The following TAB2 variants were observed in gnomAD, a reference collection of about 807,000 sequenced individuals.
TAB2 encodes the protein TGF-beta activated kinase 1 (MAP3K7) binding protein 2.
Under a neutral mutation model 65.0 loss-of-function variants are expected in TAB2, and 3 were observed. That is an observed-to-expected ratio of 0.05 (90% CI 0.02 to 0.12). The LOEUF (loss-of-function observed/expected upper bound fraction) is 0.12. TAB2 is among the 10% of genes least tolerant of loss of function. The pLI, the probability that TAB2 is intolerant of heterozygous loss-of-function variation, is 1.00. For missense variants in TAB2, 623 were observed against 840.3 expected (o/e 0.74, Z 3.20); for synonymous variants, 298 against 285.1 (o/e 1.05, Z -0.46).
intron 1 of TAB2, among the ~76,000 whole-genome samples, chr6:149,256,648 G>A (rs139948391): frequency 1.4e-3 from 219 of 152,172 alleles, no homozygotes; most frequent in African/African-American, 4.9e-3. Flanking sequence ...AATTGATTAC[G>A]CTGGATAAAA....
At chr6:149,268,573 G>A (rs1339285146) in intron 1 of TAB2, among the ~76,000 whole-genome samples, 1 of 152,126 alleles carries the variant, frequency 6.6e-6, no homozygotes, top group Admixed American at 6.5e-5. Flanking sequence ...ATAAATTCTC[G>A]GAGCAATTGG....
intron 6 of TAB2, among the ~76,000 whole-genome samples, chr6:149,399,572 T>G (rs967390954): frequency 2.0e-5 from 3 of 151,514 alleles, no homozygotes; most frequent in East Asian, 4.1e-4. Flanking sequence ...TATATAACTT[T>G]AAGTAATCAA....
chr6:149,232,267 G>A (rs1450083962), intron 1 of TAB2, among the ~76,000 whole-genome samples: 2 of 151,804 alleles, frequency 1.3e-5, no homozygotes, highest in South Asian at 2.1e-4. Flanking sequence ...TCGCTCTGTC[G>A]CCCAAGCTGG....
chr6:149,302,579 C>T lies in TAB2; in HGVS notation c.-120-75439C>T, dbSNP rs6918971. ...CTGATAGAGTTACTATTGCAGTCTCCTTCATGGGAATTGTAGACTCTTCTG... is the reference window on the plus strand; with the variant it reads ...CTGATAGAGTTACTATTGCAGTCTCTTTCATGGGAATTGTAGACTCTTCTG... On this transcript the variant is annotated intron_variant, in intron 1 of 1. Coordinates refer to the TAB2 transcript ENST00000606202. 4.4e-3 allele frequency among the ~76,000 whole-genome samples: 670 copies of T among 152,304 alleles called. 9 individuals are homozygous for T. The highest frequency in any genetic ancestry group is 5.6e-3 in the Non-Finnish European group (382 of 68,012).
At chr6:149,377,910 G>A in intron 2 of TAB2, 108 bp from the exon 3 acceptor site, 1 of 839,866 alleles carries the variant, frequency 1.2e-6, no homozygotes, top group Non-Finnish European at 1.9e-6. Flanking sequence ...CCAAATATAT[G>A]TTATAATTGT....
intron 1 of TAB2, among the ~76,000 whole-genome samples, chr6:149,306,278 C>T (rs1339125238): frequency 6.6e-6 from 1 of 151,854 alleles, no homozygotes; most frequent in Non-Finnish European, 1.5e-5. Context: ...CGGTGGCTCA[C>T]GCCTGTAATC....
intron 1 of TAB2, chr6:149,257,477 C>T (rs1281223245): frequency 6.6e-6 from 1 of 152,066 alleles, no homozygotes; most frequent in Non-Finnish European, 1.5e-5. Context: ...TCTGCTTTTT[C>T]CCCACTGAGA....
chr6:149,346,428 G>A (rs1780301889), intron 1 of TAB2: 1 of 151,864 alleles, frequency 6.6e-6, no homozygotes, highest in Non-Finnish European at 1.5e-5. Context: ...ACTGCATGGG[G>A]ATCAGATCAG....
At chr6:149,385,458 T>C (rs139407123) in intron 3 of TAB2, among the ~76,000 whole-genome samples, 33 of 152,310 alleles carry the variant, frequency 2.2e-4, no homozygotes, top group African/African-American at 6.7e-4. Context: ...GTGCAGGAGT[T>C]CAAGACCAGC....
rs999522921 is a variant in TAB2, at chr6:149,410,819, C to T, written c.*1100C>T. 1.3e-5 allele frequency: 2 copies of T among 152,446 alleles called. No individual in the cohort carries two copies. Among genetic ancestry groups the T allele is most frequent in the Admixed American group, 1.3e-4 (2 of 15,286 alleles). The allele number at this position is 152,446 out of a possible 1,614,324, so 9.4% of individuals were successfully genotyped here. On this transcript the variant is annotated 3_prime_UTR_variant, in exon 7 of 7. Transcript: ENST00000637181. ...TTCATCTGCTTGGTGTCCCACAGAA[C>T]TTGCACAAGCAGTTGTTATTGGGAA...
At chr6:149,326,749 T>G (rs377708430) in intron 1 of TAB2, among the ~76,000 whole-genome samples, 8 of 152,140 alleles carry the variant, frequency 5.3e-5, no homozygotes, top group African/African-American at 1.9e-4. Flanking sequence ...GGTTTCACCA[T>G]GTTGGCCAGG....
chr6:149,259,297 T>C (rs1332883020), intron 1 of TAB2, among the ~76,000 whole-genome samples: 1 of 151,050 alleles, frequency 6.6e-6, no homozygotes, highest in Non-Finnish European at 1.5e-5. Flanking sequence ...CTGTTCACAG[T>C]GCAGACATAG....
At chr6:149,395,774 T>A (rs1345951339) in intron 3 of TAB2, among the ~76,000 whole-genome samples, 1 of 152,270 alleles carries the variant, frequency 6.6e-6, no homozygotes, top group East Asian at 1.9e-4. Context: ...TCAGAACATA[T>A]ATTGAGTAGT....
At chr6:149,223,171 C>T (rs955547771) in intron 1 of TAB2, among the ~76,000 whole-genome samples, 4 of 152,210 alleles carry the variant, frequency 2.6e-5, no homozygotes, top group Non-Finnish European at 4.4e-5. Context: ...AGGAATGTTT[C>T]TTCACAAAAA....
chr6:149,255,161 G>C (rs938956442), intron 1 of TAB2: 7 of 152,230 alleles, frequency 4.6e-5, no homozygotes, highest in Admixed American at 4.6e-4. Context: ...ATTACGTTTA[G>C]ATGAGGTCAT....
rs368829411 is a variant in TAB2 at position 149,375,994 on chromosome 6, A to G, written c.103-2024A>G. Among the ~76,000 whole-genome samples, 14 of 152,204 alleles carry G rather than the reference A, an allele frequency of 9.2e-5. No homozygotes were observed. In the South Asian group the frequency reaches 2.3e-3, roughly 25 times the overall value. On this transcript the variant is annotated intron_variant, in intron 2 of 6. Coordinates refer to ENST00000637181, the MANE Select transcript of TAB2 (RefSeq NM_001292034.3). ...GCCTTTTTAGTCCACTTCTTTCTTAATATGATTTTTATCTCATATCAAACT... is the reference window on the plus strand; with the variant it reads ...GCCTTTTTAGTCCACTTCTTTCTTAGTATGATTTTTATCTCATATCAAACT...
chr6:149,358,024 T>C (rs1409716954), intron 1 of TAB2, among the ~76,000 whole-genome samples: 2 of 152,112 alleles, frequency 1.3e-5, no homozygotes, highest in Non-Finnish European at 2.9e-5. Flanking sequence ...CTTTACATGA[T>C]TGTCTGTTTT....
intron 6 of TAB2, among the ~76,000 whole-genome samples, chr6:149,404,659 G>C (rs148685165): frequency 6.6e-6 from 1 of 152,130 alleles, no homozygotes; most frequent in South Asian, 2.1e-4. Flanking sequence ...TTTGACAAGC[G>C]TGCCAAGAAC....
At chr6:149,273,232 AAAAGTC>A (rs1778397325) in intron 1 of TAB2, among the ~76,000 whole-genome samples, 1 of 152,190 alleles carries the variant, frequency 6.6e-6, no homozygotes, top group Non-Finnish European at 1.5e-5. Context: ...AGGTACATAG[AAAAGTC>A]AAGAATGGCA....
Sources: gnomAD v4.1 joint callset for allele counts (sites outside exome capture counted in the v4.1 genomes callset) on GRCh38, gnomAD v4.1.1 for gene constraint, MANE v1.5 for transcripts, NCBI Gene and HGNC (gene_info 2026-07-23, HGNC 2026-07-21) for gene names.